TSPOAP1: variants seen among roughly 807,000 people sequenced by gnomAD.
TSPOAP1 encodes the protein peripheral-type benzodiazepine receptor-associated protein 1.
A neutral mutation model predicts 197.0 loss-of-function variants in TSPOAP1; 87 were observed. The ratio of observed to expected loss-of-function variants is 0.44; its 90% CI spans 0.37 to 0.53. The LOEUF (loss-of-function observed/expected upper bound fraction) is 0.53, where lower values mean the gene tolerates loss of function less well. Among genes scored for constraint, TSPOAP1 ranks in the 20% least tolerant of loss-of-function variants. TSPOAP1 has a pLI of 0.00. For missense variants in TSPOAP1, 2,174 were observed against 2,411.3 expected (o/e 0.90, Z 2.06); for synonymous variants, 913 against 998.9 (o/e 0.91, Z 1.62).
chr17:58,311,882 G>A lies in TSPOAP1; in HGVS notation c.2929+10C>T, dbSNP rs1322179486. ...GGGTGTTCTGGACAACAGGGCCCAA[G>A]CCCACATACCTGCTGGGAGTGTGGT... On this transcript the variant is annotated intron_variant, in intron 17 of 31. Coordinates refer to ENST00000343736, the MANE Select transcript of TSPOAP1 (RefSeq NM_004758.4). 2 of 1,527,616 alleles carry A rather than the reference G, an allele frequency of 1.3e-6. No individual in the cohort carries two copies. Among genetic ancestry groups the A allele is most frequent in the South Asian group, 1.3e-5 (1 of 77,886 alleles). The allele number at this position is 1,527,616 out of a possible 1,614,324, so 94.6% of individuals were successfully genotyped here.
intron 22 of TSPOAP1, 83 bp from the exon 23 acceptor site, chr17:58,308,024 C>T (rs2333228): frequency 6.4e-5 from 87 of 1,350,802 alleles, no homozygotes; most frequent in Admixed American, 3.1e-4. Context: ...GCCCCATCAG[C>T]GTAAGCAGCA....
rs1458505739 is a variant in TSPOAP1, at chr17:58,328,280, T to C, written c.-360A>G. On this transcript the variant is annotated 5_prime_UTR_variant, in exon 1 of 32. Coordinates refer to ENST00000343736, the MANE Select transcript of TSPOAP1 (RefSeq NM_004758.4). This position sits in a 1 kb window ranked among gnomAD's most constrained non-coding sequence, Gnocchi z 4.3. The stretch of plus-strand genomic sequence containing the variant: ...CTCCAGGTCTGTCCGTGCAGGTCAA[T>C]GCTGTCTCATGTGTTGGGAAGATGG... 16 of 306,358 alleles carry C rather than the reference T, an allele frequency of 5.2e-5. No homozygotes were observed. Among genetic ancestry groups the C allele is most frequent in the African/African-American group, 1.1e-4 (5 of 47,594 alleles). 19.0% of individuals were successfully genotyped at this position (306,358 alleles called of 1,614,324 possible).
Position 58,310,943 on chromosome 17 carries a change from G to A in TSPOAP1, c.3352C>T (p.His1118Tyr), listed in dbSNP as rs769249169. 1.3e-6 allele frequency: 2 copies of A among 1,575,736 alleles called. No individual in the cohort carries two copies. Among genetic ancestry groups the A allele is most frequent in the Non-Finnish European group, 1.7e-6 (2 of 1,164,134 alleles). Reference protein sequence around the residue: ...GPGDPSSPLQHPAPLGTQEPP... With the variant: ...GPGDPSSPLQYPAPLGTQEPP... Reference sequence around the variant, plus strand: ...TCTTGAGTTCCAAGGGGAGCAGGGTGCTGGAGAGGAGAGCTGGGGTCTCCA... The same window carrying A: ...TCTTGAGTTCCAAGGGGAGCAGGGTACTGGAGAGGAGAGCTGGGGTCTCCA... Residue 1118 changes from histidine (H) to tyrosine (Y), a missense_variant, in exon 19 of 32, where the codon CAC (histidine) becomes TAC (tyrosine). Physicochemically the swap from His to Tyr is moderately conservative, Grantham distance 83. This residue lies in a region of TSPOAP1 where 1,933 missense variants were observed against 2,139.0 expected (regional missense o/e 0.90). Transcript: ENST00000343736.
chr17:58,302,759 AG>A (rs1295752488), intron 31 of TSPOAP1: 13 of 161,712 alleles, frequency 8.0e-5, no homozygotes, highest in African/African-American at 3.1e-4. Flanking sequence ...AGGGCCCAAG[AG>A]TTCTTGGAAC....
chr17:58,309,924 A>G lies in TSPOAP1; in HGVS notation c.3891+43T>C. On this transcript the variant is annotated intron_variant, in intron 21 of 31. Transcript: ENST00000343736. The surrounding 1 kb of genome is among the most constrained non-coding windows in gnomAD (Gnocchi z 5.0). ...CTGACACACAGTGGGGAGGCCCCGG[A>G]GTTTGAGGCCTGGGGCCCAACAGCC... The G allele has an allele frequency of 1.3e-6, 2 of 1,567,688 alleles. No individual in the cohort carries two copies. Among genetic ancestry groups the G allele is most frequent in the Non-Finnish European group, 1.7e-6 (2 of 1,155,744 alleles).
At chr17:58,320,436 T>C (rs1435030337) in intron 11 of TSPOAP1, 95 bp downstream of exon 11, 2 of 1,357,950 alleles carry the variant, frequency 1.5e-6, no homozygotes, top group African/African-American at 3.0e-5. Flanking sequence ...CTGCAACCCC[T>C]CTCCCCACCG....
rs1311478642 is a variant in TSPOAP1, at chr17:58,301,501, C to G, written c.*979G>C. 6.5e-6 allele frequency: 1 copy of G among 152,686 alleles called. No individual in the cohort carries two copies. Among genetic ancestry groups the G allele is most frequent in the Non-Finnish European group, 1.5e-5 (1 of 68,076 alleles). 9.5% of individuals were successfully genotyped at this position (152,686 alleles called of 1,614,324 possible). A position where few individuals can be genotyped will look rare whatever the true frequency, so the allele number is the denominator to read the frequency against. ...CTTTTCTCCAGCCCCTGGACTCCAA[C>G]AGGGGTTAGAAGAAAACTATGCAAA... On this transcript the variant is annotated 3_prime_UTR_variant, in exon 32 of 32. Transcript: ENST00000343736.
At position 58,305,124 on chromosome 17, in the gene TSPOAP1, C is replaced by T. The variant is rs1970839699; in HGVS notation, c.5481G>A (p.Glu1827=). The change falls in exon 30 of 32, where the codon GAG becomes GAA. Residue 1827 remains glutamate (E), a synonymous_variant. Transcript: ENST00000343736. ...GGCCGCCTGCCTCAGGCCCAGGGCC[C>T]TCCAGGAAGTTGGATGGAACCAGGC... The part of the protein sequence containing the change: ...QRGLVPSNFL[E]GPGPEAGGLD... 1.2e-6 allele frequency: 2 copies of T among 1,613,912 alleles called. No individual in the cohort carries two copies. Among genetic ancestry groups the T allele is most frequent in the African/African-American group, 2.7e-5 (2 of 74,906 alleles).
In TSPOAP1 at chr17:58,327,787, G is replaced by A; in HGVS notation, c.134C>T (p.Thr45Ile). ...PSSAAPSIADTPPAALQLQEL... is the reference protein window; with the variant it reads ...PSSAAPSIADIPPAALQLQEL... ...TTGAAGCTGCAGAGCTGCCGGAGGA[G>A]TATCAGCGATGCTTGGGGCTGCACT... The change falls in exon 1 of 32, where the codon ACT (threonine) becomes ATT (isoleucine). Residue 45 changes from threonine to isoleucine, a missense_variant. Transcript: ENST00000343736. The A allele has an allele frequency of 1.2e-6, 2 of 1,614,084 alleles. No homozygotes were observed. Among genetic ancestry groups the A allele is most frequent in the East Asian group, 2.2e-5 (1 of 44,902 alleles).
rs764255813 is a variant in TSPOAP1 at position 58,322,286 on chromosome 17, G to C, written c.1422+22C>G. The C allele has an allele frequency of 1.6e-5, 26 of 1,597,528 alleles. No homozygotes were observed. In the Admixed American group the frequency reaches 4.4e-4, roughly 27 times the overall value. The stretch of plus-strand genomic sequence containing the variant: ...AAAGCTGGTGTCCAGCAGCCTGCCA[G>C]CTTCCCTCACTGCCGCCCCACCTGC... On this transcript the variant is annotated intron_variant, in intron 10 of 31. Coordinates refer to ENST00000343736, the MANE Select transcript of TSPOAP1 (RefSeq NM_004758.4). This position sits in a 1 kb window ranked among gnomAD's most constrained non-coding sequence, Gnocchi z 5.0.
chr17:58,322,945 G>A lies in TSPOAP1; in HGVS notation c.1194+5C>T. The A allele has an allele frequency of 6.2e-7, 1 of 1,609,302 alleles. No homozygotes were observed. The highest frequency in any genetic ancestry group is 8.5e-7 in the Non-Finnish European group (1 of 1,177,876). On this transcript the variant is annotated splice_donor_5th_base_variant and intron_variant, in intron 8 of 31. Transcript: ENST00000343736. This position sits in a 1 kb window ranked among gnomAD's most constrained non-coding sequence, Gnocchi z 5.0. ...GTCTCCACAGCACCTGGGCGGAAGT[G>A]GTACCTGCTCCTTCTCTGTGGCTCT... is the stretch of plus-strand genomic sequence containing the variant.
intron 25 of TSPOAP1, 171 bp downstream of exon 25, chr17:58,306,629 C>T (rs965489158): frequency 2.7e-5 from 26 of 963,310 alleles, no homozygotes; most frequent in South Asian, 1.0e-4. Context: ...CCACTCCACG[C>T]GGCCAGCCCA....
At chr17:58,308,407 G>C in intron 22 of TSPOAP1, 134 bp downstream of exon 22, 1 of 1,326,280 alleles carries the variant, frequency 7.5e-7, no homozygotes, top group South Asian at 1.6e-5. Flanking sequence ...AGGCAGGTGA[G>C]GGAGCCCGGA....
At position 58,327,896 on chromosome 17, in the gene TSPOAP1, G is replaced by C; in HGVS notation, c.25C>G (p.Arg9Gly). 1 of 1,602,798 alleles carries C rather than the reference G, an allele frequency of 6.2e-7. No homozygotes were observed. The highest frequency in any genetic ancestry group is 8.5e-7 in the Non-Finnish European group (1 of 1,171,660). The change falls in exon 1 of 32, where the codon CGG (arginine) becomes GGG (glycine). Residue 9 changes from arginine to glycine, a missense_variant. Physicochemically the swap from Arg to Gly is moderately radical, Grantham distance 125 (BLOSUM62 -2). This residue lies in a region of TSPOAP1 where 1,933 missense variants were observed against 2,139.0 expected (regional missense o/e 0.90). Coordinates refer to ENST00000343736, the MANE Select transcript of TSPOAP1 (RefSeq NM_004758.4). MEQLTTLP[R>G]PGDPGAMEPW... is the part of the protein sequence containing the mutation. ...TCCATGGCTCCAGGGTCCCCAGGCCGTGGGAGGGTTGTCAGTTGCTCCATG... is the reference window on the plus strand; with the variant it reads ...TCCATGGCTCCAGGGTCCCCAGGCCCTGGGAGGGTTGTCAGTTGCTCCATG...
chr17:58,310,241 G>A (rs1314755865), intron 20 of TSPOAP1, 83 bp from the exon 21 acceptor site: 3 of 1,396,592 alleles, frequency 2.1e-6, no homozygotes, highest in Non-Finnish European at 2.9e-6. Context: ...CCCAGCCACA[G>A]TAACAAGGGT....
chr17:58,302,549 C>T, intron 31 of TSPOAP1, 102 bp from the exon 32 acceptor site: 1 of 840,844 alleles, frequency 1.2e-6, no homozygotes, highest in Non-Finnish European at 1.6e-6. Context: ...TCCCATGTCA[C>T]AGAACCATGG....
chr17:58,312,528 G>A lies in TSPOAP1; in HGVS notation c.2293C>T (p.Pro765Ser). ...CCTGCATCCTCCTCCTCAGGTCTGG[G>A]CTGGCTCCTTCCCACACTGCTTTGG... ...GGQSSVGRSQ[P>S]RPEEEDAGDE... The change falls in exon 17 of 32, where the codon CCC becomes TCC. Residue 765 changes from proline (P) to serine (S), a missense_variant. By Grantham distance (74) the Pro-to-Ser change is moderately conservative. This residue lies in a region of TSPOAP1 where 1,933 missense variants were observed against 2,139.0 expected (regional missense o/e 0.90). Transcript: ENST00000343736. 1.9e-6 allele frequency: 3 copies of A among 1,602,828 alleles called. No homozygotes were observed. Among genetic ancestry groups the A allele is most frequent in the Non-Finnish European group, 2.6e-6 (3 of 1,174,460 alleles).
In TSPOAP1 at chr17:58,310,110, C is replaced by T; in HGVS notation, c.3748G>A (p.Asp1250Asn). 6.2e-7 allele frequency: 1 copy of T among 1,613,410 alleles called. No homozygotes were observed. The highest frequency in any genetic ancestry group is 2.2e-5 in the East Asian group (1 of 44,886). The change falls in exon 21 of 32, where the codon GAC (aspartate) becomes AAC (asparagine). Residue 1250 changes from aspartate to asparagine, a missense_variant. Around this residue, in one of 5 missense-constraint regions of TSPOAP1, gnomAD observed 1,933 missense variants for 2,139.0 expected, o/e 0.90. Coordinates refer to ENST00000343736, the MANE Select transcript of TSPOAP1 (RefSeq NM_004758.4). The stretch of plus-strand genomic sequence containing the variant: ...GACAGGTCTGAGTTGCGGCCGTGGT[C>T]CACGAGGGAGTTCACCAGATGAACC... The part of the protein sequence containing the change: ...LGVHLVNSLV[D>N]HGRNSDLSDI...
chr17:58,322,730 G>A lies in TSPOAP1; in HGVS notation c.1241C>T (p.Thr414Ile), dbSNP rs1971439535. 1 of 1,612,898 alleles carries A rather than the reference G, an allele frequency of 6.2e-7. No homozygotes were observed. The highest frequency in any genetic ancestry group is 1.3e-5 in the African/African-American group (1 of 75,016). ...AELRGQLLGV[T>I]QERDSALRKS... ...GCGAAGGGCTGAGTCCCTCTCCTGT[G>A]TCACCCCCAGGAGCTGGCCCCTCAG... The change falls in exon 9 of 32, where the codon ACA (threonine) becomes ATA (isoleucine). Residue 414 changes from threonine to isoleucine, a missense_variant. Physicochemically the swap from Thr to Ile is moderately conservative, Grantham distance 89. This residue lies in a region of TSPOAP1 where 1,933 missense variants were observed against 2,139.0 expected (regional missense o/e 0.90). Transcript: ENST00000343736. The surrounding 1 kb of genome is among the most constrained non-coding windows in gnomAD (Gnocchi z 5.0).
Sources: gnomAD v4.1 joint callset for allele counts on GRCh38, gnomAD v4.1.1 for gene constraint, gnomAD v4.1.1 regional missense constraint, Gnocchi (gnomAD v3.1) non-coding constraint, MANE v1.5 for transcripts, NCBI Gene and HGNC (gene_info 2026-07-23, HGNC 2026-07-21) for gene names.